The following DLGAP2 variants were observed in gnomAD, a reference collection of about 807,000 sequenced individuals.
The protein encoded by DLGAP2 is disks large-associated protein 2.
A neutral mutation model predicts 100.3 loss-of-function variants in DLGAP2; 26 were observed. That is an observed-to-expected ratio of 0.26 (90% confidence interval 0.19 to 0.36). The LOEUF is 0.36. Among genes scored for constraint, DLGAP2 ranks in the 10% least tolerant of loss-of-function variants. The probability of loss-of-function intolerance (pLI) is 1.00; values close to 1 mark genes in which losing one functional copy is unlikely to be tolerated. For missense variants in DLGAP2, 1,858 were observed against 1,453.2 expected (o/e 1.28, Z -4.53); for synonymous variants, 886 against 630.1 (o/e 1.41, Z -6.08).
chr8:1,583,181 T>C (rs1796000839), intron 6 of DLGAP2, among the ~76,000 whole-genome samples: 1 of 152,180 alleles, frequency 6.6e-6, no homozygotes, highest in Non-Finnish European at 1.5e-5. Context: ...CACTTCCGTT[T>C]TGGGATATGT....
chr8:878,607 T>A (rs1220048906), intron 1 of DLGAP2, among the ~76,000 whole-genome samples: 1 of 152,210 alleles, frequency 6.6e-6, no homozygotes, highest in Non-Finnish European at 1.5e-5. Context: ...TCACTGAGGC[T>A]TGGTCCCCAG....
intron 2 of DLGAP2, among the ~76,000 whole-genome samples, chr8:947,299 T>C (rs1232403713): frequency 6.6e-6 from 1 of 152,122 alleles, no homozygotes; most frequent in Non-Finnish European, 1.5e-5. Flanking sequence ...CGCCAGGTGG[T>C]TTGGGCCCTG....
intron 2 of DLGAP2, among the ~76,000 whole-genome samples, chr8:913,685 T>C (rs1047640259): frequency 6.6e-6 from 1 of 152,272 alleles, no homozygotes; most frequent in Admixed American, 6.5e-5. Context: ...GTGTGCATTT[T>C]GCAGAAGAGA....
intron 1 of DLGAP2, among the ~76,000 whole-genome samples, chr8:815,986 C>G (rs1473514781): frequency 6.6e-6 from 1 of 152,126 alleles, no homozygotes; most frequent in East Asian, 1.9e-4. Flanking sequence ...TTTTAAAATG[C>G]TGTTGCTGTA....
chr8:1,356,613 C>T (rs142586547), intron 3 of DLGAP2, among the ~76,000 whole-genome samples: 1 of 152,102 alleles, frequency 6.6e-6, no homozygotes, highest in Admixed American at 6.5e-5. Flanking sequence ...GCAGGAATGG[C>T]AAAGTACGAG....
At position 1,702,891 on chromosome 8, in the gene DLGAP2, G is replaced by A. The variant is rs1219024049; in HGVS notation, c.*1485G>A. ...ACCCCAATACCTGGTCTTCCTTCCCGGCTTAAGGAGTACCATGTACTTAGC... is the reference window on the plus strand; with the variant it reads ...ACCCCAATACCTGGTCTTCCTTCCCAGCTTAAGGAGTACCATGTACTTAGC... On this transcript the variant is annotated 3_prime_UTR_variant, in exon 15 of 15. Transcript: ENST00000637795. 6.6e-6 allele frequency: 1 copy of A among 152,602 alleles called. No individual in the cohort carries two copies. Among genetic ancestry groups the A allele is most frequent in the Non-Finnish European group, 1.5e-5 (1 of 68,036 alleles). The allele number at this position is 152,602 out of a possible 1,614,324, so 9.5% of individuals were successfully genotyped here. A position where few individuals can be genotyped will look rare whatever the true frequency, so the allele number is the denominator to read the frequency against.
At chr8:1,094,153 C>T (rs1022040061) in intron 2 of DLGAP2, among the ~76,000 whole-genome samples, 16 of 152,120 alleles carry the variant, frequency 1.1e-4, no homozygotes, top group African/African-American at 2.9e-4. Context: ...TTCTTGATGC[C>T]AGGGCCCATT....
In DLGAP2 at chr8:753,012, C is replaced by T. The variant is rs546137523; in HGVS notation, c.18+15187C>T. 7.9e-5 allele frequency among the ~76,000 whole-genome samples: 12 copies of T among 152,332 alleles called. No homozygotes were observed. The South Asian group carries it at 2.5e-3, about 32-fold the overall frequency. ...TGGTTACCACTTTCCTACACCTCTT[C>T]CTTAAGGGAACAGATTACAGCTCTG... On this transcript the variant is annotated intron_variant, in intron 1 of 14. Transcript: ENST00000637795.
At chr8:895,244 A>G (rs561558074) in intron 1 of DLGAP2, among the ~76,000 whole-genome samples, 1 of 152,126 alleles carries the variant, frequency 6.6e-6, no homozygotes, top group Admixed American at 6.5e-5. Context: ...TCATTCCACA[A>G]TGTATGCAGG....
chr8:759,145 C>T (rs1157016294), intron 1 of DLGAP2, among the ~76,000 whole-genome samples: 2 of 62,394 alleles, frequency 3.2e-5, no homozygotes, highest in Admixed American at 1.7e-4. Flanking sequence ...ACAGCTTTCC[C>T]ATTATCAATA....
At chr8:1,246,523 C>T (rs1798904883) in intron 2 of DLGAP2, among the ~76,000 whole-genome samples, 1 of 152,224 alleles carries the variant, frequency 6.6e-6, no homozygotes, top group Non-Finnish European at 1.5e-5. Context: ...ATTCATCATG[C>T]TCTTCTGCCT....
intron 1 of DLGAP2, among the ~76,000 whole-genome samples, chr8:861,757 G>A (rs1237801908): frequency 3.3e-5 from 5 of 152,222 alleles, no homozygotes; most frequent in African/African-American, 7.2e-5. Context: ...CAGCGTTGAC[G>A]CGCAGCTTGT....
intron 3 of DLGAP2, among the ~76,000 whole-genome samples, chr8:1,415,801 T>C (rs1019024): frequency 0.23 from 35,035 of 152,206 alleles, 4,406 homozygotes; most frequent in East Asian, 0.36. Context: ...AGTGTCTTTT[T>C]GGTAGAATGA....
chr8:1,698,964 G>A (rs555050109), intron 14 of DLGAP2, among the ~76,000 whole-genome samples: 37 of 152,172 alleles, frequency 2.4e-4, no homozygotes, highest in African/African-American at 5.5e-4. Context: ...ACAGGTCCAT[G>A]TAAGCCATGC....
At chr8:1,322,235 A>G (rs1411212236) in intron 3 of DLGAP2, among the ~76,000 whole-genome samples, 1 of 152,264 alleles carries the variant, frequency 6.6e-6, no homozygotes, top group Non-Finnish European at 1.5e-5. Flanking sequence ...TTTAATAGAA[A>G]TTCGAGTATT....
chr8:1,685,531 C>G (rs1452658766), intron 12 of DLGAP2, among the ~76,000 whole-genome samples: 1 of 152,174 alleles, frequency 6.6e-6, no homozygotes, highest in African/African-American at 2.4e-5. Flanking sequence ...CAGGCCTCTG[C>G]TAAGCACCTA....
At chr8:838,313 C>A (rs1796919999) in intron 1 of DLGAP2, among the ~76,000 whole-genome samples, 2 of 152,116 alleles carry the variant, frequency 1.3e-5, no homozygotes, top group Non-Finnish European at 2.9e-5. Flanking sequence ...ATGGTTAAAA[C>A]CTAAGAGAAA....
intron 2 of DLGAP2, among the ~76,000 whole-genome samples, chr8:1,054,249 C>T (rs2701902): frequency 0.022 from 3,338 of 152,050 alleles, 128 homozygotes; most frequent in African/African-American, 0.077. Context: ...TGTACACACA[C>T]GTACACACAC....
chr8:1,383,165 G>C (rs1796135616), intron 3 of DLGAP2, among the ~76,000 whole-genome samples: 2 of 152,128 alleles, frequency 1.3e-5, no homozygotes, highest in South Asian at 4.1e-4. Flanking sequence ...TTATAATTAA[G>C]TTTGTCAGGT....
Sources: allele counts gnomAD v4.1 joint callset (sites outside exome capture counted in the v4.1 genomes callset), GRCh38; gene constraint gnomAD v4.1.1; transcripts MANE v1.5; gene names NCBI Gene and HGNC (gene_info 2026-07-23, HGNC 2026-07-21).